TRAK1: variants seen among roughly 807,000 people sequenced by gnomAD.
TRAK1 encodes the protein trafficking kinesin protein 1, also known as trafficking kinesin-binding protein 1.
A neutral mutation model predicts 92.1 loss-of-function variants in TRAK1; 33 were observed. That is an observed-to-expected ratio of 0.36 (90% CI 0.27 to 0.48). The LOEUF (loss-of-function observed/expected upper bound fraction) is 0.48, where lower values mean the gene tolerates loss of function less well. TRAK1 is among the 20% of genes least tolerant of loss of function. The pLI, the probability that TRAK1 is intolerant of heterozygous loss-of-function variation, is 0.99. For missense variants in TRAK1, 1,123 were observed against 1,257.9 expected (o/e 0.89, Z 1.62); for synonymous variants, 521 against 517.3 (o/e 1.01, Z -0.10).
intron 2 of TRAK1, among the ~76,000 whole-genome samples, chr3:42,146,927 C>T (rs553435177): frequency 1.5e-4 from 23 of 152,264 alleles, no homozygotes; most frequent in Admixed American, 1.2e-3. Context: ...ATTGAACTGG[C>T]GAACATTGCT....
At chr3:42,154,019 A>C (rs1003616602) in intron 2 of TRAK1, among the ~76,000 whole-genome samples, 11 of 152,220 alleles carry the variant, frequency 7.2e-5, no homozygotes, top group African/African-American at 2.7e-4. Flanking sequence ...AACTGTTTTT[A>C]TTATCACTGG....
At chr3:42,102,420 A>G (rs940461577) in intron 1 of TRAK1, among the ~76,000 whole-genome samples, 1 of 152,238 alleles carries the variant, frequency 6.6e-6, no homozygotes, top group Admixed American at 6.5e-5. Context: ...ATTCAGAGTT[A>G]TCTTTTGTGA....
upstream of TRAK1, among the ~76,000 whole-genome samples, chr3:42,089,167 C>G (rs1704847046): frequency 6.6e-6 from 1 of 152,176 alleles, no homozygotes; most frequent in Non-Finnish European, 1.5e-5. Context: ...TTGCTCAGGC[C>G]AAGAACCTTG....
chr3:42,054,780 T>C (rs1378576583), intron 1 of TRAK1, among the ~76,000 whole-genome samples: 3 of 152,136 alleles, frequency 2.0e-5, no homozygotes, highest in Non-Finnish European at 4.4e-5. Flanking sequence ...TGAATCATTT[T>C]CCATTTTACA....
intron 2 of TRAK1, among the ~76,000 whole-genome samples, chr3:42,135,667 T>G (rs545453599): frequency 4.9e-4 from 74 of 152,358 alleles, no homozygotes; most frequent in African/African-American, 1.7e-3. Context: ...TTGGACTGTG[T>G]GTGGGAACAT....
intron 2 of TRAK1, among the ~76,000 whole-genome samples, chr3:42,163,071 G>A (rs1347219292): frequency 1.3e-5 from 2 of 152,156 alleles, no homozygotes; most frequent in African/African-American, 4.8e-5. Context: ...TAAAACATTC[G>A]AGGTCAAATA....
intron 1 of TRAK1, among the ~76,000 whole-genome samples, chr3:42,054,469 G>A (rs749283050): frequency 6.6e-6 from 1 of 152,108 alleles, no homozygotes; most frequent in Non-Finnish European, 1.5e-5. Flanking sequence ...TTAAGCAGGA[G>A]AATCATAAAT....
chr3:42,122,938 C>A (rs936267199), intron 1 of TRAK1, among the ~76,000 whole-genome samples: 3 of 152,160 alleles, frequency 2.0e-5, no homozygotes, highest in African/African-American at 7.2e-5. Context: ...TAGAGTCCCC[C>A]CTCCAGGACT....
At chr3:42,132,334 GC>G (rs1697323287) in intron 2 of TRAK1, among the ~76,000 whole-genome samples, 1 of 149,986 alleles carries the variant, frequency 6.7e-6, no homozygotes, top group African/African-American at 2.5e-5. Flanking sequence ...TGCCATCTTG[GC>G]TCACTGCATT....
At position 42,208,256 on chromosome 3, in the gene TRAK1, A is replaced by T. The variant is rs555516382; in HGVS notation, c.1745-1511A>T. Among the ~76,000 whole-genome samples the T allele has an allele frequency of 5.9e-5, 9 of 152,288 alleles. No individual in the cohort carries two copies. The East Asian group carries it at 1.7e-3, about 29-fold the overall frequency. Reference sequence around the variant, plus strand: ...GTACCCGTGAACCCTTAAAACTGGGATAAGCCTTGATGTGGGTGTCTGGGA... The same window carrying T: ...GTACCCGTGAACCCTTAAAACTGGGTTAAGCCTTGATGTGGGTGTCTGGGA... On this transcript the variant is annotated intron_variant, in intron 13 of 15. Coordinates refer to ENST00000327628, the MANE Select transcript of TRAK1 (RefSeq NM_001042646.3).
chr3:42,059,821 T>A (rs1303468491), intron 1 of TRAK1, among the ~76,000 whole-genome samples: 2 of 152,192 alleles, frequency 1.3e-5, no homozygotes, highest in East Asian at 3.8e-4. Flanking sequence ...GGTACTTCAG[T>A]TTCTTCCTCT....
intron 2 of TRAK1, chr3:42,160,350 G>T (rs1453068941): frequency 6.2e-7 from 1 of 1,613,998 alleles, no homozygotes; most frequent in Non-Finnish European, 8.5e-7. Context: ...TGGCTTTGGG[G>T]TGACTTCAGC....
chr3:42,018,108 CAAAAG>C (rs1701595971), intron 1 of TRAK1, among the ~76,000 whole-genome samples: 1 of 114,890 alleles, frequency 8.7e-6, no homozygotes, highest in African/African-American at 3.1e-5. Context: ...AAAAAAAAGA[CAAAAG>C]AAAAATTAGT....
At chr3:42,142,771 T>A (rs1399855903) in intron 2 of TRAK1, among the ~76,000 whole-genome samples, 1 of 152,250 alleles carries the variant, frequency 6.6e-6, no homozygotes, top group Non-Finnish European at 1.5e-5. Flanking sequence ...CTTTTCATTT[T>A]GATAGTCATT....
chr3:42,016,503 TC>T (rs1701532494), intron 1 of TRAK1, among the ~76,000 whole-genome samples: 1 of 152,214 alleles, frequency 6.6e-6, no homozygotes. Context: ...CCACTCCCAG[TC>T]CCTGTCGTTG....
chr3:42,181,269 C>A (rs376961660), intron 3 of TRAK1, among the ~76,000 whole-genome samples: 1 of 152,186 alleles, frequency 6.6e-6, no homozygotes, highest in Non-Finnish European at 1.5e-5. Context: ...AAAGGCCGGG[C>A]GCAGTGGCTC....
chr3:42,029,200 A>G (rs560320678), intron 1 of TRAK1, among the ~76,000 whole-genome samples: 2 of 152,324 alleles, frequency 1.3e-5, no homozygotes, highest in Admixed American at 6.5e-5. Flanking sequence ...CCCCACCTCC[A>G]GCATTGGGGA....
At chr3:42,140,425 C>T (rs894892670) in intron 2 of TRAK1, among the ~76,000 whole-genome samples, 3 of 152,076 alleles carry the variant, frequency 2.0e-5, no homozygotes, top group Non-Finnish European at 4.4e-5. Context: ...GTCAGGAGAT[C>T]GAGACCATTC....
chr3:42,222,149 C>T (rs1361859180), intron 15 of TRAK1, among the ~76,000 whole-genome samples: 4 of 152,186 alleles, frequency 2.6e-5, no homozygotes, highest in African/African-American at 7.2e-5. Context: ...GAGCACAACA[C>T]GAGTGAATGA....
Sources: gnomAD v4.1 joint callset for allele counts (sites outside exome capture counted in the v4.1 genomes callset) on GRCh38, gnomAD v4.1.1 for gene constraint, MANE v1.5 for transcripts, NCBI Gene and HGNC (gene_info 2026-07-23, HGNC 2026-07-21) for gene names.